Variants in PRPF4 observed in about 807,000 individuals in gnomAD.
PRPF4 encodes the protein U4/U6 small nuclear ribonucleoprotein Prp4.
In PRPF4, 14 loss-of-function variants were observed where a neutral mutation model predicts 72.2. That is an observed-to-expected ratio of 0.19 (90% CI 0.13 to 0.30). The LOEUF is 0.30. Ranked by LOEUF, PRPF4 falls within the 10% of genes least tolerant of loss-of-function variation. The probability of loss-of-function intolerance (pLI) is 1.00; values close to 1 mark genes in which losing one functional copy is unlikely to be tolerated. For missense variants in PRPF4, 478 were observed against 653.9 expected, an observed-to-expected ratio of 0.73 and a Z score of 2.93; for synonymous variants, 225 against 232.2, an observed-to-expected ratio of 0.97 and a Z score of 0.28.
At chr9:113,276,516 C>T (rs1417334258) in intron 1 of PRPF4, 32 bp from the exon 2 acceptor site, 1 of 1,612,678 alleles carries the variant, frequency 6.2e-7, no homozygotes, top group Non-Finnish European at 8.5e-7. Context: ...CAAGATTAAA[C>T]CTTAGTTTAA....
At position 113,292,627 on chromosome 9, in the gene PRPF4, C is replaced by T. The variant is rs998607298; in HGVS notation, c.*967C>T. The T allele has an allele frequency of 1.3e-5, 2 of 152,116 alleles. No homozygotes were observed. Among genetic ancestry groups the T allele is most frequent in the African/African-American group, 4.8e-5 (2 of 41,404 alleles). 9.4% of individuals were successfully genotyped at this position (152,116 alleles called of 1,614,324 possible). A position where few individuals can be genotyped will look rare whatever the true frequency, so the allele number is the denominator to read the frequency against. On this transcript the variant is annotated 3_prime_UTR_variant, in exon 14 of 14. Coordinates refer to ENST00000374198, the MANE Select transcript of PRPF4 (RefSeq NM_001244926.2). ...TTTTTTTTACTTTGAAGTTTGGCAA[C>T]CTTCATGTTACCCCAAAGCAAAACC...
rs377210758 is a variant in PRPF4, at chr9:113,280,306, C to T, written c.392+1175C>T. Among the ~76,000 whole-genome samples, 134 of 152,274 alleles carry T rather than the reference C, an allele frequency of 8.8e-4. No homozygotes were observed. The Middle Eastern group carries it at 0.017, about 19-fold the overall frequency. On this transcript the variant is annotated intron_variant, in intron 3 of 13. Coordinates refer to ENST00000374198, the MANE Select transcript of PRPF4 (RefSeq NM_001244926.2). ...TTCTCTGCCTGCCCTTTACAGGCTG[C>T]CTTTTTCTCTACTTGCCCTTGGTGA...
At chr9:113,290,399 A>G in intron 10 of PRPF4, 67 bp from the exon 11 acceptor site, 1 of 1,605,236 alleles carries the variant, frequency 6.2e-7, no homozygotes. Flanking sequence ...ATGGCTTAGA[A>G]TACTTTATGT....
chr9:113,291,015 G>A lies in PRPF4; in HGVS notation c.1371G>A (p.Glu457=), dbSNP rs747574552. Residue 457 remains glutamate (E), a splice_region_variant and synonymous_variant, in exon 13 of 14, where the codon GAG becomes GAA. Coordinates refer to ENST00000374198, the MANE Select transcript of PRPF4 (RefSeq NM_001244926.2). ...HQNLVTGVKF[E]PIHGNFLLTG... Reference sequence around the variant, plus strand: ...ACTTAGTGACTGGTGTCAAGTTTGAGCGTAAGCTTTCCTCCTATTTTACGT... The same window carrying A: ...ACTTAGTGACTGGTGTCAAGTTTGAACGTAAGCTTTCCTCCTATTTTACGT... The A allele has an allele frequency of 3.7e-5, 60 of 1,611,130 alleles. No homozygotes were observed. The South Asian group carries it at 6.3e-4, about 17-fold the overall frequency.
chr9:113,288,775 A>G (rs1290603020), intron 10 of PRPF4, among the ~76,000 whole-genome samples: 1 of 152,140 alleles, frequency 6.6e-6, no homozygotes, highest in Non-Finnish European at 1.5e-5. Flanking sequence ...GAAATTTCAG[A>G]GTTACAAATT....
At chr9:113,282,245 G>A (rs900540544) in intron 3 of PRPF4, among the ~76,000 whole-genome samples, 2 of 152,174 alleles carry the variant, frequency 1.3e-5, no homozygotes, top group Non-Finnish European at 2.9e-5. Context: ...GGCTGAGGCA[G>A]GAGGATCACT....
At chr9:113,285,713 A>C (rs905626000) in intron 7 of PRPF4, among the ~76,000 whole-genome samples, 1 of 151,732 alleles carries the variant, frequency 6.6e-6, no homozygotes, top group Non-Finnish European at 1.5e-5. Context: ...ATTTTTTAAA[A>C]CGTTAGCCAG....
chr9:113,285,329 C>A (rs1357994377), intron 7 of PRPF4, among the ~76,000 whole-genome samples: 1 of 133,234 alleles, frequency 7.5e-6, no homozygotes, highest in Non-Finnish European at 1.5e-5. Flanking sequence ...AATAGTGAGA[C>A]CCTGTCTCTA....
intron 10 of PRPF4, among the ~76,000 whole-genome samples, chr9:113,289,587 T>C (rs1832549665): frequency 6.6e-6 from 1 of 152,236 alleles, no homozygotes; most frequent in African/African-American, 2.4e-5. Flanking sequence ...CTCTGTCATA[T>C]GCTTTGCCTG....
chr9:113,290,341 A>C lies in PRPF4; in HGVS notation c.1023-125A>C. On this transcript the variant is annotated intron_variant, in intron 10 of 13. Transcript: ENST00000374198. ...TTATGTCAGAAAGGAGCTTCCTGTT[A>C]ATATGGTTATATGAATAGTTTCAGA... 2.2e-6 allele frequency: 3 copies of C among 1,352,664 alleles called. No homozygotes were observed. The South Asian group carries it at 4.0e-5, about 18-fold the overall frequency. The allele number at this position is 1,352,664 out of a possible 1,614,324, so 83.8% of individuals were successfully genotyped here.
intron 3 of PRPF4, among the ~76,000 whole-genome samples, chr9:113,280,020 A>G (rs184270798): frequency 6.6e-6 from 1 of 151,924 alleles, no homozygotes; most frequent in African/African-American, 2.4e-5. Context: ...GGTTTTTTCT[A>G]TTACTCCCTT....
rs1170582258 is a variant in PRPF4 at position 113,292,172 on chromosome 9, C to T, written c.*512C>T. 2 of 154,214 alleles carry T rather than the reference C, an allele frequency of 1.3e-5. No homozygotes were observed. The highest frequency in any genetic ancestry group is 4.8e-5 in the African/African-American group (2 of 41,362). The allele number at this position is 154,214 out of a possible 1,614,324, so 9.6% of individuals were successfully genotyped here. A position where few individuals can be genotyped will look rare whatever the true frequency, so the allele number is the denominator to read the frequency against. On this transcript the variant is annotated 3_prime_UTR_variant, in exon 14 of 14. Transcript: ENST00000374198. ...GAGGTTGCAGTGAGCCGAGATTGCG[C>T]CATTGCACTCTAGCCTGTGTGACAG... is the stretch of plus-strand genomic sequence containing the variant.
chr9:113,286,749 A>G lies in PRPF4; in HGVS notation c.853A>G (p.Thr285Ala). The G allele has an allele frequency of 6.2e-7, 1 of 1,614,066 alleles. No individual in the cohort carries two copies. Among genetic ancestry groups the G allele is most frequent in the Non-Finnish European group, 8.5e-7 (1 of 1,180,002 alleles). ...VGAIVFHPKSTVSLDPKDVNL... is the reference protein window; with the variant it reads ...VGAIVFHPKSAVSLDPKDVNL... The stretch of plus-strand genomic sequence containing the variant: ...AGCAATTGTATTCCATCCCAAATCC[A>G]CTGTCTCCTTGGACCCAAAAGATGT... The change falls in exon 9 of 14, where the codon ACT (threonine) becomes GCT (alanine). Residue 285 changes from threonine (T) to alanine (A), a missense_variant. Coordinates refer to ENST00000374198, the MANE Select transcript of PRPF4 (RefSeq NM_001244926.2).
intron 8 of PRPF4, 28 bp downstream of exon 8, chr9:113,286,318 G>A (rs939498447): frequency 6.3e-7 from 1 of 1,580,662 alleles, no homozygotes; most frequent in Non-Finnish European, 8.7e-7. Flanking sequence ...CCAAATCTCG[G>A]TCTTTTTCCC....
chr9:113,284,089 CTA>C (rs1832363500), intron 6 of PRPF4, among the ~76,000 whole-genome samples: 5 of 146,696 alleles, frequency 3.4e-5, no homozygotes, highest in African/African-American at 1.3e-4. Flanking sequence ...AAAAAAAAGA[CTA>C]TAGAAAACAG....
intron 3 of PRPF4, among the ~76,000 whole-genome samples, chr9:113,280,135 T>C (rs1832233125): frequency 6.6e-6 from 1 of 152,172 alleles, no homozygotes; most frequent in African/African-American, 2.4e-5. Flanking sequence ...TTACTAAGAA[T>C]AGCCCTAGTA....
At chr9:113,290,290 G>C (rs1323208127) in intron 10 of PRPF4, among the ~76,000 whole-genome samples, 176 bp from the exon 11 acceptor site, 1 of 151,994 alleles carries the variant, frequency 6.6e-6, no homozygotes, top group Non-Finnish European at 1.5e-5. Context: ...ACCTAAGGCA[G>C]ATAAGCTTAG....
Position 113,290,515 on chromosome 9 carries a change from C to A in PRPF4, c.1072C>A (p.Leu358Met). 1 of 1,614,170 alleles carries A rather than the reference C, an allele frequency of 6.2e-7. No individual in the cohort carries two copies. Among genetic ancestry groups the A allele is most frequent in the Non-Finnish European group, 8.5e-7 (1 of 1,180,024 alleles). Residue 358 changes from leucine to methionine, a missense_variant, in exon 11 of 14, where the codon CTG becomes ATG. Transcript: ENST00000374198. The part of the protein sequence containing the change: ...LWDLEAQEEI[L>M]HQEGHSMGVY... ...GGATTTGGAGGCTCAAGAGGAGATCCTGCATCAGGAAGGCCATAGCATGGG... is the reference window on the plus strand; with the variant it reads ...GGATTTGGAGGCTCAAGAGGAGATCATGCATCAGGAAGGCCATAGCATGGG...
At position 113,290,639 on chromosome 9, in the gene PRPF4, C is replaced by T. The variant is rs372319540; in HGVS notation, c.1145+51C>T. The stretch of plus-strand genomic sequence containing the variant: ...GGCAGTTCAGTACTCTCACCTCTTA[C>T]CTATACCTGCTTCCACAGAGAACTG... On this transcript the variant is annotated intron_variant, in intron 11 of 13. Coordinates refer to ENST00000374198, the MANE Select transcript of PRPF4 (RefSeq NM_001244926.2). 15 of 1,614,076 alleles carry T rather than the reference C, an allele frequency of 9.3e-6. No homozygotes were observed. In the African/African-American group the frequency reaches 1.6e-4, roughly 17 times the overall value.
Sources: allele counts gnomAD v4.1 joint callset (sites outside exome capture counted in the v4.1 genomes callset), GRCh38; gene constraint gnomAD v4.1.1; transcripts MANE v1.5; gene names NCBI Gene and HGNC (gene_info 2026-07-23, HGNC 2026-07-21).